The following SLC46A3 variants were observed in gnomAD, a reference collection of about 807,000 sequenced individuals.
SLC46A3 encodes the protein lysosomal proton-coupled steroid conjugate and bile acid symporter SLC46A3.
SLC46A3 carries 26 observed loss-of-function variants against 38.5 expected under a neutral mutation model. That is an observed-to-expected ratio of 0.68 (90% CI 0.49 to 0.94). The LOEUF (loss-of-function observed/expected upper bound fraction) is 0.94, where lower values mean the gene tolerates loss of function less well. Among genes scored for constraint, SLC46A3 ranks in the 40% least tolerant of loss-of-function variants. SLC46A3 has a pLI of 0.00. For missense variants in SLC46A3, 510 were observed against 544.3 expected (o/e 0.94, Z 0.63); for synonymous variants, 185 against 192.5 (o/e 0.96, Z 0.32).
rs1402454473 is a variant in SLC46A3 at position 28,714,558 on chromosome 13, G to A, written c.190-1008C>T. On this transcript the variant is annotated intron_variant, in intron 2 of 5. Transcript: ENST00000266943. ...GAGGTCAGGAGTTTGAGACCAGCCT[G>A]GCCAACATGGCAAAACCCTGTCTCT... is the stretch of plus-strand genomic sequence containing the variant. Among the ~76,000 whole-genome samples the A allele has an allele frequency of 3.9e-5, 6 of 152,208 alleles. No individual in the cohort carries two copies. In the South Asian group the frequency reaches 1.0e-3, roughly 26 times the overall value.
In SLC46A3 at chr13:28,701,023, C is replaced by A. The variant is rs1482570289; in HGVS notation, c.*474G>T. ...TATTTGAAACTTATATCATTATTTT[C>A]CTACCAATGAGTGATTCATCATAAT... is the stretch of plus-strand genomic sequence containing the variant. On this transcript the variant is annotated 3_prime_UTR_variant, in exon 6 of 6. Coordinates refer to ENST00000266943, the MANE Select transcript of SLC46A3 (RefSeq NM_181785.4). The A allele has an allele frequency of 6.6e-7, 1 of 1,524,650 alleles. No individual in the cohort carries two copies. Among genetic ancestry groups the A allele is most frequent in the Non-Finnish European group, 8.8e-7 (1 of 1,134,832 alleles). 94.4% of individuals were successfully genotyped at this position (1,524,650 alleles called of 1,614,324 possible). A position where few individuals can be genotyped will look rare whatever the true frequency, so the allele number is the denominator to read the frequency against.
intron 2 of SLC46A3, among the ~76,000 whole-genome samples, chr13:28,717,494 T>A (rs1189818284): frequency 1.8e-4 from 4 of 22,088 alleles, no homozygotes; most frequent in Non-Finnish European, 5.3e-4. Context: ...ACTTTTTTTT[T>A]TTTTTTTTTT....
chr13:28,702,357 G>C (rs1885047428), intron 5 of SLC46A3, among the ~76,000 whole-genome samples: 1 of 151,890 alleles, frequency 6.6e-6, no homozygotes, highest in Admixed American at 6.6e-5. Flanking sequence ...TCCCACTGTT[G>C]GACAGTTTGG....
In SLC46A3 at chr13:28,718,966, T is replaced by A. The variant is rs907333356; in HGVS notation, c.-495A>T. 8.4e-4 allele frequency: 128 copies of A among 152,364 alleles called. No homozygotes were observed. Among genetic ancestry groups the A allele is most frequent in the African/African-American group, 3.0e-3 (124 of 41,580 alleles). 9.4% of individuals were successfully genotyped at this position (152,364 alleles called of 1,614,324 possible). On this transcript the variant is annotated 5_prime_UTR_variant, in exon 1 of 6. Coordinates refer to ENST00000266943, the MANE Select transcript of SLC46A3 (RefSeq NM_181785.4). ...TCGGCCGCAGCCAGCTGAGCATCGC[T>A]GTCCGCCGAGGAGGCGGGGTCGGCT...
Position 28,701,308 on chromosome 13 carries a change from T to C in SLC46A3, c.*189A>G. 9 of 1,421,240 alleles carry C rather than the reference T, an allele frequency of 6.3e-6. No individual in the cohort carries two copies. The highest frequency in any genetic ancestry group is 8.3e-6 in the Non-Finnish European group (9 of 1,090,418). The allele number at this position is 1,421,240 out of a possible 1,614,324, so 88.0% of individuals were successfully genotyped here. A position where few individuals can be genotyped will look rare whatever the true frequency, so the allele number is the denominator to read the frequency against. ...AGTATATTGCATGATACGCACAAAG[T>C]GCTCAAAGTGCGTGGTACCACAAGA... On this transcript the variant is annotated 3_prime_UTR_variant, in exon 6 of 6. Transcript: ENST00000266943.
intron 2 of SLC46A3, 73 bp downstream of exon 2, chr13:28,717,737 A>G: frequency 6.9e-7 from 1 of 1,448,142 alleles, no homozygotes; most frequent in Non-Finnish European, 9.5e-7. Context: ...TGATGAGTTC[A>G]CGGTCCTCTT....
intron 3 of SLC46A3, 120 bp from the exon 4 acceptor site, chr13:28,710,963 T>C (rs1442269165): frequency 5.8e-6 from 4 of 688,520 alleles, no homozygotes; most frequent in Admixed American, 5.7e-5. Context: ...TAACTCATTG[T>C]ATCTAAAAAT....
At chr13:28,705,477 T>C (rs549611198) in intron 4 of SLC46A3, among the ~76,000 whole-genome samples, 2 of 152,248 alleles carry the variant, frequency 1.3e-5, no homozygotes, top group African/African-American at 2.4e-5. Context: ...AAATTATTCA[T>C]TGAATGATAG....
Position 28,714,694 on chromosome 13 carries a change from A to G in SLC46A3, c.190-1144T>C, listed in dbSNP as rs151152081. ...AACCTGGGAGGCAGAGGTTGCAATG[A>G]GCTGAGATTGTGCCATTGCACTCCA... is the stretch of plus-strand genomic sequence containing the variant. On this transcript the variant is annotated intron_variant, in intron 2 of 5. Transcript: ENST00000266943. Among the ~76,000 whole-genome samples the G allele has an allele frequency of 6.7e-3, 1,016 of 152,366 alleles. 9 individuals carry two copies. Among genetic ancestry groups the G allele is most frequent in the Non-Finnish European group, 6.8e-3 (465 of 68,036 alleles).
intron 3 of SLC46A3, 72 bp downstream of exon 3, chr13:28,712,608 C>A: frequency 7.0e-7 from 1 of 1,426,244 alleles, no homozygotes; most frequent in Non-Finnish European, 9.2e-7. Flanking sequence ...AAGTTTCTCC[C>A]CCAGTAGACT....
At chr13:28,715,978 C>CAAAA (rs10594317) in intron 2 of SLC46A3, among the ~76,000 whole-genome samples, 1 of 128,752 alleles carries the variant, frequency 7.8e-6, no homozygotes, top group Non-Finnish European at 1.6e-5. Context: ...CCTGTCTCTA[C>CAAAA]AAAAAAAAAA....
intron 1 of SLC46A3, 66 bp from the exon 2 acceptor site, chr13:28,718,088 G>C (rs994831414): frequency 7.5e-7 from 1 of 1,342,190 alleles, no homozygotes; most frequent in Non-Finnish European, 1.0e-6. Context: ...TCAAAGATGG[G>C]TAAGTTTGAG....
chr13:28,705,530 G>A (rs1008767914), intron 4 of SLC46A3, among the ~76,000 whole-genome samples: 25 of 152,190 alleles, frequency 1.6e-4, no homozygotes, highest in African/African-American at 4.8e-5. Context: ...GCAAAATATC[G>A]TGTGCTCACT....
rs1203806169 is a variant in SLC46A3, at chr13:28,700,417, G to A, written c.*1080C>T. ...AAGGTGGACCTCAGGATGAGCGTAA[G>A]GCAGTAAGAAATGAGATGGGAAGGA... On this transcript the variant is annotated 3_prime_UTR_variant, in exon 6 of 6. Transcript: ENST00000266943. 6.5e-6 allele frequency: 1 copy of A among 153,526 alleles called. No individual in the cohort carries two copies. The highest frequency in any genetic ancestry group is 2.4e-5 in the African/African-American group (1 of 41,454). The allele number at this position is 153,526 out of a possible 1,614,324, so 9.5% of individuals were successfully genotyped here.
intron 4 of SLC46A3, chr13:28,704,380 A>G (rs1293639197): frequency 9.4e-6 from 3 of 319,622 alleles, no homozygotes; most frequent in Non-Finnish European, 1.7e-5. Flanking sequence ...AGCTAAAAAG[A>G]CAGTGCAGCT....
At chr13:28,708,205 A>G (rs1161744846) in intron 4 of SLC46A3, among the ~76,000 whole-genome samples, 1 of 152,200 alleles carries the variant, frequency 6.6e-6, no homozygotes, top group Non-Finnish European at 1.5e-5. Flanking sequence ...GGGATTGCTG[A>G]GTCATAAGGC....
rs150332834 is a variant in SLC46A3, at chr13:28,712,973, C to G, written c.767G>C (p.Arg256Thr). 7.4e-6 allele frequency: 12 copies of G among 1,613,150 alleles called. No homozygotes were observed. The highest frequency in any genetic ancestry group is 9.3e-6 in the Non-Finnish European group (11 of 1,179,842). Residue 256 changes from arginine (R) to threonine (T), a missense_variant, in exon 3 of 6, where the codon AGA (arginine) becomes ACA (threonine). By Grantham distance (71) the Arg-to-Thr change is moderately conservative. Coordinates refer to ENST00000266943, the MANE Select transcript of SLC46A3 (RefSeq NM_181785.4). ...AAGTAACAAACAGAGCAAAAATCGT[C>G]TCTTACCAGAAGCATTCTTAAAAAG... The part of the protein sequence containing the change: ...YMLFKNASGK[R>T]RFLLCLLLFT...
rs1322198755 is a variant in SLC46A3, at chr13:28,717,484, A to AATTTTTTTTTTTTTTTT, written c.189+325_189+326insAAAAAAAAAAAAAAAAT. Among the ~76,000 whole-genome samples the AATTTTTTTTTTTTTTTT allele has an allele frequency of 8.3e-3, 777 of 93,762 alleles. 110 individuals are homozygous for AATTTTTTTTTTTTTTTT. The highest frequency in any genetic ancestry group is 0.012 in the African/African-American group (334 of 27,608). The allele number at this position is 93,762 out of a possible 152,430, so 61.5% of individuals were successfully genotyped here. A position where few individuals can be genotyped will look rare whatever the true frequency, so the allele number is the denominator to read the frequency against. On this transcript the variant is annotated intron_variant, in intron 2 of 5. Coordinates refer to ENST00000266943, the MANE Select transcript of SLC46A3 (RefSeq NM_181785.4). ...CAGCCTGCCCTGCCCCAATTTTCAG[A>AATTTTTTTTTTTTTTTT]CTTTTTTTTTTTTTTTTTTTTTTTT... is the stretch of plus-strand genomic sequence containing the variant.
rs1885011912 is a variant in SLC46A3, at chr13:28,701,347, A to T, written c.*150T>A. The T allele has an allele frequency of 4.2e-6, 6 of 1,438,104 alleles. No homozygotes were observed. Among genetic ancestry groups the T allele is most frequent in the Non-Finnish European group, 5.5e-6 (6 of 1,097,094 alleles). 89.1% of individuals were successfully genotyped at this position (1,438,104 alleles called of 1,614,324 possible). A position where few individuals can be genotyped will look rare whatever the true frequency, so the allele number is the denominator to read the frequency against. ...GGTACCACAAGAAGCTAAAGCCAGG[A>T]GCTGTCTCTCTGACTGTTCAGTTTA... On this transcript the variant is annotated 3_prime_UTR_variant, in exon 6 of 6. Coordinates refer to ENST00000266943, the MANE Select transcript of SLC46A3 (RefSeq NM_181785.4).
Sources: allele counts gnomAD v4.1 joint callset (sites outside exome capture counted in the v4.1 genomes callset), GRCh38; gene constraint gnomAD v4.1.1; transcripts MANE v1.5; gene names NCBI Gene and HGNC (gene_info 2026-07-23, HGNC 2026-07-21).